Variants in CDKN2D observed in about 807,000 individuals in gnomAD.
CDKN2D encodes the protein cyclin-dependent kinase 4 inhibitor D.
A neutral mutation model predicts 4.7 loss-of-function variants in CDKN2D; 3 were observed. That is an observed-to-expected ratio of 0.64 (90% CI 0.29 to 1.66). The LOEUF (loss-of-function observed/expected upper bound fraction) is 1.66, where lower values mean the gene tolerates loss of function less well. CDKN2D is among the 40% of genes most tolerant of loss of function. CDKN2D has a pLI of 0.10. For missense variants in CDKN2D, 196 were observed against 230.9 expected (o/e 0.85, Z 0.98); for synonymous variants, 91 against 102.3 (o/e 0.89, Z 0.67).
chr19:10,568,754 G>T lies in CDKN2D; in HGVS notation c.-101C>A. The T allele has an allele frequency of 3.5e-6, 3 of 845,262 alleles. No individual in the cohort carries two copies. Among genetic ancestry groups the T allele is most frequent in the South Asian group, 1.1e-4 (2 of 17,538 alleles). 52.4% of individuals were successfully genotyped at this position (845,262 alleles called of 1,614,324 possible). A position where few individuals can be genotyped will look rare whatever the true frequency, so the allele number is the denominator to read the frequency against. ...CTGGCCCGAACAGCCCTCCCGGGGC[G>T]CGGCCGCGGTGCACCCGGCTGCGCT... is the stretch of plus-strand genomic sequence containing the variant. On this transcript the variant is annotated 5_prime_UTR_variant, in exon 1 of 2. Coordinates refer to ENST00000393599, the MANE Select transcript of CDKN2D (RefSeq NM_001800.4).
At chr19:10,567,523 G>A in intron 1 of CDKN2D, 106 bp from the exon 2 acceptor site, 2 of 1,338,880 alleles carry the variant, frequency 1.5e-6, no homozygotes, top group Non-Finnish European at 2.0e-6. Flanking sequence ...CCCAGAAACA[G>A]GAAATGCTAG....
intron 1 of CDKN2D, 73 bp from the exon 2 acceptor site, chr19:10,567,490 G>C: frequency 6.7e-7 from 1 of 1,502,942 alleles, no homozygotes; most frequent in South Asian, 1.3e-5. Context: ...GGAAAGAGAA[G>C]GGTCATCCAG....
At chr19:10,568,227 C>A (rs930521677) in intron 1 of CDKN2D, among the ~76,000 whole-genome samples, 1 of 152,160 alleles carries the variant, frequency 6.6e-6, no homozygotes, top group African/African-American at 2.4e-5. Context: ...GCTGAACCCG[C>A]ACCCACGGAA....
intron 1 of CDKN2D, among the ~76,000 whole-genome samples, chr19:10,568,288 T>A (rs1916956534): frequency 6.6e-6 from 1 of 151,894 alleles, no homozygotes; most frequent in Non-Finnish European, 1.5e-5. Context: ...GAACCAGGAA[T>A]CCTCCCAGAG....
Position 10,566,666 on chromosome 19 carries a change from A to G in CDKN2D, c.*392T>C. 1 of 218,028 alleles carries G rather than the reference A, an allele frequency of 4.6e-6. No individual in the cohort carries two copies. The highest frequency in any genetic ancestry group is 9.4e-6 in the Non-Finnish European group (1 of 106,552). 13.5% of individuals were successfully genotyped at this position (218,028 alleles called of 1,614,324 possible). ...ACGCTCCCCCCACCCCCCATGCCTGAAGCAACGTGCACACTTCAGGTCTCT... is the reference window on the plus strand; with the variant it reads ...ACGCTCCCCCCACCCCCCATGCCTGGAGCAACGTGCACACTTCAGGTCTCT... On this transcript the variant is annotated 3_prime_UTR_variant, in exon 2 of 2. Transcript: ENST00000393599.
Position 10,568,593 on chromosome 19 carries a change from C to A in CDKN2D, c.61G>T (p.Val21Leu). ...TGCAGAAGGCGGCGCACCTCCTGCA[C>A]GTCGCCCCGGGCCGCCGCCCCACTC... ...RLSGAAARGD[V>L]QEVRRLLHRE... The change falls in exon 1 of 2, where the codon GTG becomes TTG. Residue 21 changes from valine to leucine, a missense_variant. Coordinates refer to ENST00000393599, the MANE Select transcript of CDKN2D (RefSeq NM_001800.4). 6.6e-7 allele frequency: 1 copy of A among 1,507,020 alleles called. No homozygotes were observed. The highest frequency in any genetic ancestry group is 8.8e-7 in the Non-Finnish European group (1 of 1,133,980). 93.4% of individuals were successfully genotyped at this position (1,507,020 alleles called of 1,614,324 possible). A position where few individuals can be genotyped will look rare whatever the true frequency, so the allele number is the denominator to read the frequency against.
chr19:10,566,779 A>G lies in CDKN2D; in HGVS notation c.*279T>C, dbSNP rs977269061. 11 of 434,422 alleles carry G rather than the reference A, an allele frequency of 2.5e-5. No individual in the cohort carries two copies. Among genetic ancestry groups the G allele is most frequent in the Non-Finnish European group, 4.2e-5 (10 of 238,048 alleles). The allele number at this position is 434,422 out of a possible 1,614,324, so 26.9% of individuals were successfully genotyped here. On this transcript the variant is annotated 3_prime_UTR_variant, in exon 2 of 2. Transcript: ENST00000393599. ...ATGCTCTGCCCTTGGGTCTCGTCTG[A>G]GGCCCCAGCAGCCTGAGGCGCAGAA...
chr19:10,566,600 T>C lies in CDKN2D; in HGVS notation c.*458A>G, dbSNP rs1916901773. The C allele has an allele frequency of 8.1e-6, 2 of 248,030 alleles. No homozygotes were observed. The highest frequency in any genetic ancestry group is 1.6e-5 in the Non-Finnish European group (2 of 126,022). The allele number at this position is 248,030 out of a possible 1,614,324, so 15.4% of individuals were successfully genotyped here. A position where few individuals can be genotyped will look rare whatever the true frequency, so the allele number is the denominator to read the frequency against. On this transcript the variant is annotated 3_prime_UTR_variant, in exon 2 of 2. Transcript: ENST00000393599. ...TGGAAAACAAGCTTCCAACAGAATA[T>C]GAATAACTCATAACTCATTCTACCT...
Position 10,568,920 on chromosome 19 carries a change from TG to T in CDKN2D, c.-268del. On this transcript the variant is annotated 5_prime_UTR_variant, in exon 1 of 2. Transcript: ENST00000393599. ...GGGGCCCTGCCCGGCGCCCGCCCCT[TG>T]GGGGCCGGGTCTCCCCCTAACTCAC... The T allele has an allele frequency of 4.6e-6, 1 of 217,606 alleles. No individual in the cohort carries two copies. Among genetic ancestry groups the T allele is most frequent in the Admixed American group, 5.9e-5 (1 of 17,064 alleles). 13.5% of individuals were successfully genotyped at this position (217,606 alleles called of 1,614,324 possible).
At chr19:10,567,898 T>C (rs921324962) in intron 1 of CDKN2D, among the ~76,000 whole-genome samples, 1 of 152,038 alleles carries the variant, frequency 6.6e-6, no homozygotes, top group Non-Finnish European at 1.5e-5. Context: ...TCAGAGTACC[T>C]GAGAGCTCCT....
Position 10,566,514 on chromosome 19 carries a change from AT to A in CDKN2D, c.*543del, listed in dbSNP as rs900892655. On this transcript the variant is annotated 3_prime_UTR_variant, in exon 2 of 2. Transcript: ENST00000393599. ...GGTAAAAACATTAAATTATTACAAC[AT>A]TTTTTCCAATAAAGCATAATAAATA... is the stretch of plus-strand genomic sequence containing the variant. The A allele has an allele frequency of 3.1e-5, 7 of 226,328 alleles. 1 individual carries two copies. Among genetic ancestry groups the A allele is most frequent in the East Asian group, 6.6e-5 (1 of 15,184 alleles). The allele number at this position is 226,328 out of a possible 1,614,324, so 14.0% of individuals were successfully genotyped here.
chr19:10,568,832 C>G lies in CDKN2D; in HGVS notation c.-179G>C, dbSNP rs964825662. The stretch of plus-strand genomic sequence containing the variant: ...AGACCCCGGCCCTCCCGGCGGGCTC[C>G]TCCCCCTGTCAGCCGGAGGACGGCG... On this transcript the variant is annotated 5_prime_UTR_variant, in exon 1 of 2. Coordinates refer to ENST00000393599, the MANE Select transcript of CDKN2D (RefSeq NM_001800.4). 2.8e-6 allele frequency: 1 copy of G among 354,792 alleles called. No individual in the cohort carries two copies. Among genetic ancestry groups the G allele is most frequent in the African/African-American group, 2.1e-5 (1 of 46,714 alleles). 22.0% of individuals were successfully genotyped at this position (354,792 alleles called of 1,614,324 possible).
rs1204538790 is a variant in CDKN2D, at chr19:10,567,026, G to A, written c.*32C>T. On this transcript the variant is annotated 3_prime_UTR_variant, in exon 2 of 2. Coordinates refer to ENST00000393599, the MANE Select transcript of CDKN2D (RefSeq NM_001800.4). The stretch of plus-strand genomic sequence containing the variant: ...CCTCTCTTCTGATACATAACCCCAC[G>A]GGGTTCTCTTGCTGGAGAGGGTGAC... The A allele has an allele frequency of 1.3e-6, 2 of 1,561,410 alleles. No individual in the cohort carries two copies. The highest frequency in any genetic ancestry group is 1.9e-5 in the Admixed American group (1 of 52,040).
chr19:10,567,111 C>T lies in CDKN2D; in HGVS notation c.448G>A (p.Gly150Arg), dbSNP rs754342878. The change falls in exon 2 of 2, where the codon GGG becomes AGG. Residue 150 changes from glycine to arginine, a missense_variant. Physicochemically the swap from Gly to Arg is moderately radical, Grantham distance 125. Transcript: ENST00000393599. ...AGGATGTCCACGAGGTCCTGAGCCCCTCTCTGCAGTGCCAGCTCCAAGGGT... is the reference window on the plus strand; with the variant it reads ...AGGATGTCCACGAGGTCCTGAGCCCTTCTCTGCAGTGCCAGCTCCAAGGGT... ...LTPLELALQR[G>R]AQDLVDILQG... 4.0e-5 allele frequency: 64 copies of T among 1,613,814 alleles called. No homozygotes were observed. Among genetic ancestry groups the T allele is most frequent in the Non-Finnish European group, 2.1e-5 (25 of 1,180,002 alleles).
Position 10,567,086 on chromosome 19 carries a change from A to C in CDKN2D, c.473T>G (p.Leu158Arg). The change falls in exon 2 of 2, where the codon CTG (leucine) becomes CGG (arginine). Residue 158 changes from leucine to arginine, a missense_variant. Coordinates refer to ENST00000393599, the MANE Select transcript of CDKN2D (RefSeq NM_001800.4). Reference protein sequence around the residue: ...QRGAQDLVDILQGHMVAPL With the variant: ...QRGAQDLVDIRQGHMVAPL Reference sequence around the variant, plus strand: ...CAGCGGGGCCACCATGTGGCCCTGCAGGATGTCCACGAGGTCCTGAGCCCC... The same window carrying C: ...CAGCGGGGCCACCATGTGGCCCTGCCGGATGTCCACGAGGTCCTGAGCCCC... 1.2e-6 allele frequency: 2 copies of C among 1,612,356 alleles called. No homozygotes were observed. The highest frequency in any genetic ancestry group is 1.7e-6 in the Non-Finnish European group (2 of 1,179,602).
Position 10,566,691 on chromosome 19 carries a change from T to A in CDKN2D, c.*367A>T. ...AAGCAACGTGCACACTTCAGGTCTC[T>A]GAGCACAGCCGGCCAAGGCCACCAG... On this transcript the variant is annotated 3_prime_UTR_variant, in exon 2 of 2. Transcript: ENST00000393599. 1 of 313,520 alleles carries A rather than the reference T, an allele frequency of 3.2e-6. No individual in the cohort carries two copies. The allele number at this position is 313,520 out of a possible 1,614,324, so 19.4% of individuals were successfully genotyped here.
chr19:10,567,355 A>C lies in CDKN2D; in HGVS notation c.204T>G (p.Asn68Lys). 1.9e-6 allele frequency: 3 copies of C among 1,614,172 alleles called. No individual in the cohort carries two copies. Among genetic ancestry groups the C allele is most frequent in the Non-Finnish European group, 2.5e-6 (3 of 1,180,024 alleles). ...GACTGGTACCGGAGGTGTCCTGGAC[A>C]TTGGGGCTGGCACCTTGCTTCAGCA... ...LELLKQGASP[N>K]VQDTSGTSPV... Residue 68 changes from asparagine to lysine, a missense_variant, in exon 2 of 2, where the codon AAT (asparagine) becomes AAG (lysine). Physicochemically the swap from Asn to Lys is moderately conservative, Grantham distance 94. Transcript: ENST00000393599.
chr19:10,567,536 G>T lies in CDKN2D; in HGVS notation c.142-119C>A, dbSNP rs563342419. The T allele has an allele frequency of 2.2e-5, 27 of 1,211,320 alleles. No individual in the cohort carries two copies. In the African/African-American group the frequency reaches 3.6e-4, roughly 16 times the overall value. The allele number at this position is 1,211,320 out of a possible 1,614,324, so 75.0% of individuals were successfully genotyped here. ...CTCCCAGAAACAGGAAATGCTAGAG[G>T]AGGGGTCCTCTAGTGAACGGAGAAG... is the stretch of plus-strand genomic sequence containing the variant. On this transcript the variant is annotated intron_variant, in intron 1 of 1. Transcript: ENST00000393599.
rs952021743 is a variant in CDKN2D, at chr19:10,568,857, G to C, written c.-204C>G. 7.6e-5 allele frequency: 23 copies of C among 303,660 alleles called. No homozygotes were observed. The highest frequency in any genetic ancestry group is 1.2e-4 in the Non-Finnish European group (20 of 168,146). 18.8% of individuals were successfully genotyped at this position (303,660 alleles called of 1,614,324 possible). On this transcript the variant is annotated 5_prime_UTR_variant, in exon 1 of 2. Transcript: ENST00000393599. ...CTCCCCCTGTCAGCCGGAGGACGGC[G>C]AGGGGCTGGGAGCCGGGCCCAACCC...
Sources: allele counts gnomAD v4.1 joint callset (sites outside exome capture counted in the v4.1 genomes callset), GRCh38; gene constraint gnomAD v4.1.1; transcripts MANE v1.5; gene names NCBI Gene and HGNC (gene_info 2026-07-23, HGNC 2026-07-21).